BRMS1L: variants seen among roughly 807,000 people sequenced by gnomAD.
BRMS1L encodes BRMS1 like transcriptional repressor.
In BRMS1L, 23 loss-of-function variants were observed where a neutral mutation model predicts 50.3. The ratio of observed to expected loss-of-function variants is 0.46; its 90% CI spans 0.33 to 0.65. BRMS1L has a LOEUF of 0.65. Ranked by LOEUF, BRMS1L falls within the 30% of genes least tolerant of loss-of-function variation. The pLI, the probability that BRMS1L is intolerant of heterozygous loss-of-function variation, is 0.02. For synonymous variants in BRMS1L, 114 were observed against 126.9 expected (o/e 0.90, Z 0.69); for missense variants, 286 against 386.1 (o/e 0.74, Z 2.17).
At chr14:35,830,466 T>A (rs1380181495) in intron 1 of BRMS1L, among the ~76,000 whole-genome samples, 1 of 152,178 alleles carries the variant, frequency 6.6e-6, no homozygotes, top group Admixed American at 6.5e-5. Flanking sequence ...CAAACGATCC[T>A]CCCACTTCGG....
chr14:35,833,321 C>T lies in BRMS1L; in HGVS notation c.361+216C>T, dbSNP rs760018501. Among the ~76,000 whole-genome samples, 235 of 150,760 alleles carry T rather than the reference C, an allele frequency of 1.6e-3. 1 individual carries two copies. Among genetic ancestry groups the T allele is most frequent in the Non-Finnish European group, 2.8e-3 (191 of 67,768 alleles). ...GGGGATTAAAAAAAAAAAAAGCCCT[C>T]AAGTTGTTTACAGTGTTGTTGAGAA... is the stretch of plus-strand genomic sequence containing the variant. On this transcript the variant is annotated intron_variant, in intron 3 of 9. Coordinates refer to ENST00000216807, the MANE Select transcript of BRMS1L (RefSeq NM_032352.4).
chr14:35,826,491 G>A lies in BRMS1L; in HGVS notation c.-26G>A, dbSNP rs2142032729. On this transcript the variant is annotated 5_prime_UTR_variant, in exon 1 of 10. It adds an upstream start codon to the 5' untranslated region. Transcript: ENST00000216807. ...GCGGTGGCCGGGCTGGGCGCCGGTA[G>A]TGGAAAGCGACGGCGCGGCTGGAAA... 1.3e-6 allele frequency: 2 copies of A among 1,563,780 alleles called. No individual in the cohort carries two copies. The highest frequency in any genetic ancestry group is 1.7e-6 in the Non-Finnish European group (2 of 1,154,070).
intron 3 of BRMS1L, 137 bp from the exon 4 acceptor site, chr14:35,834,706 TA>T: frequency 4.5e-6 from 2 of 442,946 alleles, no homozygotes; most frequent in Non-Finnish European, 7.5e-6. Flanking sequence ...TTTTAGTCTT[TA>T]AAGACAAAGT....
At chr14:35,847,752 T>A (rs2078156379) in intron 4 of BRMS1L, among the ~76,000 whole-genome samples, 1 of 152,188 alleles carries the variant, frequency 6.6e-6, no homozygotes, top group Admixed American at 6.5e-5. Context: ...GCAACCACCA[T>A]TGTATTCTCT....
chr14:35,854,162 C>T (rs988467948), intron 4 of BRMS1L, among the ~76,000 whole-genome samples: 1 of 152,156 alleles, frequency 6.6e-6, no homozygotes, highest in African/African-American at 2.4e-5. Flanking sequence ...TTCTTGCTCA[C>T]TGTTTTTGAG....
At chr14:35,830,836 A>T (rs2077910008) in intron 1 of BRMS1L, among the ~76,000 whole-genome samples, 1 of 152,156 alleles carries the variant, frequency 6.6e-6, no homozygotes, top group African/African-American at 2.4e-5. Context: ...GTTATAGCTT[A>T]TAGTCAGTCC....
chr14:35,849,643 T>G (rs2078183061), intron 4 of BRMS1L, among the ~76,000 whole-genome samples: 1 of 152,134 alleles, frequency 6.6e-6, no homozygotes, highest in Non-Finnish European at 1.5e-5. Context: ...GGGTGTGGGA[T>G]GATAAATCAT....
At chr14:35,834,077 G>C (rs746888560) in intron 3 of BRMS1L, among the ~76,000 whole-genome samples, 1 of 152,108 alleles carries the variant, frequency 6.6e-6, no homozygotes, top group South Asian at 2.1e-4. Context: ...TGATTTTGCA[G>C]AGTAGTGTGT....
chr14:35,869,599 A>G lies in BRMS1L; in HGVS notation c.855-761A>G, dbSNP rs539770476. 2.6e-5 allele frequency among the ~76,000 whole-genome samples: 4 copies of G among 152,192 alleles called. No homozygotes were observed. The East Asian group carries it at 7.7e-4, about 29-fold the overall frequency. Reference sequence around the variant, plus strand: ...GCAGTGGCTCACACCTGTAATCCCAACACTTTGGGAAGTCGAGGAGGGTGG... The same window carrying G: ...GCAGTGGCTCACACCTGTAATCCCAGCACTTTGGGAAGTCGAGGAGGGTGG... On this transcript the variant is annotated intron_variant, in intron 9 of 9. Transcript: ENST00000216807.
Position 35,862,702 on chromosome 14 carries a change from T to C in BRMS1L, c.538+16T>C, listed in dbSNP as rs368968087. 9.5e-6 allele frequency: 15 copies of C among 1,580,368 alleles called. No homozygotes were observed. The highest frequency in any genetic ancestry group is 1.3e-5 in the Non-Finnish European group (15 of 1,154,876). ...ATTACCTCAGGTAAGGAGAATGATA[T>C]GATTGTGATGTTTGAGTGGCACCAG... On this transcript the variant is annotated intron_variant, in intron 5 of 9. Coordinates refer to ENST00000216807, the MANE Select transcript of BRMS1L (RefSeq NM_032352.4).
At chr14:35,849,245 CT>C (rs1479002183) in intron 4 of BRMS1L, among the ~76,000 whole-genome samples, 1 of 152,100 alleles carries the variant, frequency 6.6e-6, no homozygotes, top group East Asian at 1.9e-4. Flanking sequence ...ACAAGGGCTC[CT>C]TTTTCTGCAC....
At chr14:35,864,014 C>T (rs1003129500) in intron 6 of BRMS1L, 61 bp downstream of exon 6, 3 of 1,259,184 alleles carry the variant, frequency 2.4e-6, no homozygotes, top group Non-Finnish European at 3.4e-6. Flanking sequence ...ATTGTGCATG[C>T]CTTTATAACT....
intron 4 of BRMS1L, among the ~76,000 whole-genome samples, chr14:35,857,944 AT>A (rs1301646975): frequency 6.9e-6 from 1 of 143,956 alleles, no homozygotes; most frequent in African/African-American, 2.6e-5. Flanking sequence ...GTACAGTTGT[AT>A]TGATTTTTCA....
intron 4 of BRMS1L, among the ~76,000 whole-genome samples, chr14:35,845,555 A>G (rs896468565): frequency 3.9e-5 from 6 of 152,186 alleles, no homozygotes; most frequent in African/African-American, 1.4e-4. Context: ...TCCAGGAATG[A>G]TTCTTTTTCT....
chr14:35,826,665 G>C lies in BRMS1L; in HGVS notation c.142+7G>C, dbSNP rs375537336. On this transcript the variant is annotated splice_region_variant and intron_variant, in intron 1 of 9. Coordinates refer to ENST00000216807, the MANE Select transcript of BRMS1L (RefSeq NM_032352.4). Reference sequence around the variant, plus strand: ...GAGGATGGAGATAGCTCAGGTGCGCGACCCACTGCTGGGACCCTGAGTCCC... The same window carrying C: ...GAGGATGGAGATAGCTCAGGTGCGCCACCCACTGCTGGGACCCTGAGTCCC... The C allele has an allele frequency of 3.1e-6, 5 of 1,610,878 alleles. No individual in the cohort carries two copies. The African/African-American group carries it at 5.3e-5, about 17-fold the overall frequency.
chr14:35,848,364 G>A (rs958454931), intron 4 of BRMS1L, among the ~76,000 whole-genome samples: 1 of 151,952 alleles, frequency 6.6e-6, no homozygotes, highest in African/African-American at 2.4e-5. Flanking sequence ...TATTTTTAGA[G>A]ATGGGAGTCT....
intron 4 of BRMS1L, among the ~76,000 whole-genome samples, chr14:35,844,686 G>A (rs961835821): frequency 6.6e-6 from 1 of 152,210 alleles, no homozygotes; most frequent in East Asian, 1.9e-4. Context: ...ATGCGCGCCT[G>A]TAGTTCTAGC....
At chr14:35,827,922 G>C (rs1349252717) in intron 1 of BRMS1L, among the ~76,000 whole-genome samples, 1 of 152,202 alleles carries the variant, frequency 6.6e-6, no homozygotes, top group African/African-American at 2.4e-5. Flanking sequence ...ACAAGGGCCA[G>C]AGTTTGGGGC....
At chr14:35,866,059 A>G in intron 8 of BRMS1L, 1 of 265,810 alleles carries the variant, frequency 3.8e-6, no homozygotes, top group South Asian at 1.1e-4. Flanking sequence ...TAGGGGAGGT[A>G]TTTGGAATTT....
Sources: gnomAD v4.1 joint callset for allele counts (sites outside exome capture counted in the v4.1 genomes callset) on GRCh38, gnomAD v4.1.1 for gene constraint, MANE v1.5 for transcripts, NCBI Gene and HGNC (gene_info 2026-07-23, HGNC 2026-07-21) for gene names.